The following PCDH7 variants were observed in gnomAD, a reference collection of about 807,000 sequenced individuals.
The protein encoded by PCDH7 is protocadherin 7.
In PCDH7, 17 loss-of-function variants were observed where a neutral mutation model predicts 58.9. That is an observed-to-expected ratio of 0.29 (90% CI 0.20 to 0.43). PCDH7 has a LOEUF of 0.43. PCDH7 is among the 20% of genes least tolerant of loss of function. The pLI, the probability that PCDH7 is intolerant of heterozygous loss-of-function variation, is 1.00. For synonymous variants in PCDH7, 664 were observed against 616.4 expected (o/e 1.08, Z -1.14); for missense variants, 1,274 against 1,441.0 (o/e 0.88, Z 1.88).
intron 1 of PCDH7, among the ~76,000 whole-genome samples, chr4:30,764,969 T>C (rs565042828): frequency 1.3e-5 from 2 of 152,084 alleles, no homozygotes; most frequent in East Asian, 3.9e-4. Context: ...TCTGCCCACC[T>C]TGGCCTCCCA....
At chr4:31,084,588 A>G (rs1057347894) in intron 3 of PCDH7, among the ~76,000 whole-genome samples, 1 of 146,970 alleles carries the variant, frequency 6.8e-6, no homozygotes, top group East Asian at 2.1e-4. Flanking sequence ...CAGGGGGCTT[A>G]TAGGGAACTA....
intron 2 of PCDH7, among the ~76,000 whole-genome samples, chr4:30,931,478 G>C (rs909125805): frequency 7.9e-5 from 12 of 152,064 alleles, no homozygotes; most frequent in African/African-American, 2.9e-4. Context: ...GGGAGGCTGA[G>C]ACAGGAGAAT....
intron 2 of PCDH7, among the ~76,000 whole-genome samples, chr4:30,937,782 T>G (rs1745533548): frequency 6.6e-6 from 1 of 152,060 alleles, no homozygotes; most frequent in African/African-American, 2.4e-5. Context: ...CCTATTCTAA[T>G]ATAAGGGTAT....
At chr4:31,013,293 T>C (rs929188255) in intron 3 of PCDH7, among the ~76,000 whole-genome samples, 1 of 139,444 alleles carries the variant, frequency 7.2e-6, no homozygotes, top group Non-Finnish European at 1.6e-5. Flanking sequence ...TGTGTACATA[T>C]ATCTAAGACT....
intron 1 of PCDH7, among the ~76,000 whole-genome samples, chr4:30,810,016 T>C (rs1373392343): frequency 6.6e-6 from 1 of 152,218 alleles, no homozygotes; most frequent in Non-Finnish European, 1.5e-5. Context: ...CAGGTAGTTT[T>C]AAAGTTTTCT....
chr4:30,825,287 A>G (rs1030831764), intron 1 of PCDH7, among the ~76,000 whole-genome samples: 3 of 152,144 alleles, frequency 2.0e-5, no homozygotes, highest in African/African-American at 7.2e-5. Context: ...TGTGATATGA[A>G]CCATAAGATT....
intron 1 of PCDH7, among the ~76,000 whole-genome samples, chr4:30,753,119 A>G (rs1718789303): frequency 6.6e-6 from 1 of 152,178 alleles, no homozygotes; most frequent in Admixed American, 6.5e-5. Flanking sequence ...AATACCATAA[A>G]TGTCAGCATC....
chr4:30,949,857 G>T (rs993268354), intron 2 of PCDH7, among the ~76,000 whole-genome samples: 4 of 151,564 alleles, frequency 2.6e-5, no homozygotes, highest in African/African-American at 9.7e-5. Flanking sequence ...AAAAAATGAG[G>T]ATAAAATGGT....
rs148669678 is a variant in PCDH7 at position 31,025,482 on chromosome 4, A to G, written c.*7+75267A>G. On this transcript the variant is annotated intron_variant, in intron 3 of 3. Transcript: ENST00000509759. ...CAGCTGAAATGTTTTGATCCCACTT[A>G]ACAAGGATTCAGTCTTGCGTTGTTC... Among the ~76,000 whole-genome samples, 485 of 152,278 alleles carry G rather than the reference A, an allele frequency of 3.2e-3. 1 individual carries two copies. The highest frequency in any genetic ancestry group is 9.1e-3 in the South Asian group (44 of 4,830).
chr4:30,751,927 G>T (rs1718574144), intron 1 of PCDH7, among the ~76,000 whole-genome samples: 1 of 152,074 alleles, frequency 6.6e-6, no homozygotes, highest in Non-Finnish European at 1.5e-5. Context: ...TTTTTAAAAT[G>T]GAATTTTCTC....
At chr4:30,749,948 A>G (rs866124724) in intron 1 of PCDH7, among the ~76,000 whole-genome samples, 2 of 152,262 alleles carry the variant, frequency 1.3e-5, no homozygotes, top group Middle Eastern at 3.4e-3. Context: ...AATAACATCT[A>G]TTTACACAGT....
intron 1 of PCDH7, among the ~76,000 whole-genome samples, chr4:30,760,810 C>T (rs1314061700): frequency 6.6e-6 from 1 of 152,138 alleles, no homozygotes; most frequent in Admixed American, 6.5e-5. Context: ...GACTTCTCTC[C>T]CCTCCTTTGA....
chr4:30,988,451 C>G (rs1751177832), intron 3 of PCDH7, among the ~76,000 whole-genome samples: 1 of 152,028 alleles, frequency 6.6e-6, no homozygotes, highest in African/African-American at 2.4e-5. Context: ...TATGAGAAGC[C>G]CAACATTTTC....
intron 3 of PCDH7, among the ~76,000 whole-genome samples, chr4:31,086,850 A>G (rs1712503651): frequency 6.6e-6 from 1 of 152,178 alleles, no homozygotes; most frequent in Non-Finnish European, 1.5e-5. Flanking sequence ...CTTGTAGACT[A>G]AGAGTTGATT....
intron 3 of PCDH7, among the ~76,000 whole-genome samples, chr4:30,993,739 A>T (rs1490902354): frequency 1.3e-5 from 2 of 148,234 alleles, no homozygotes; most frequent in South Asian, 4.2e-4. Context: ...TTCAATTTAG[A>T]TTTTTTTTTT....
At chr4:30,868,326 A>G (rs981151296) in intron 1 of PCDH7, among the ~76,000 whole-genome samples, 1 of 152,100 alleles carries the variant, frequency 6.6e-6, no homozygotes, top group African/African-American at 2.4e-5. Flanking sequence ...GCATCATACA[A>G]AATGGTACAG....
intron 1 of PCDH7, among the ~76,000 whole-genome samples, chr4:30,771,214 G>T (rs975058943): frequency 2.0e-5 from 3 of 152,004 alleles, no homozygotes; most frequent in Admixed American, 6.6e-5. Flanking sequence ...TCATAATTTT[G>T]CCCTAGCTAC....
intron 1 of PCDH7, among the ~76,000 whole-genome samples, chr4:30,914,079 G>A (rs187836889): frequency 2.7e-4 from 41 of 152,252 alleles, no homozygotes; most frequent in Non-Finnish European, 4.7e-4. Context: ...AGCAAGCATG[G>A]CAGATAGAGG....
rs769909258 is a variant in PCDH7 at position 31,075,606 on chromosome 4, G to A, written c.*8-66867G>A. ...AACAAAGGTGTGGATTATGACTTGGGACCCTCAAGACATGGGCCTAGCTTC... is the reference window on the plus strand; with the variant it reads ...AACAAAGGTGTGGATTATGACTTGGAACCCTCAAGACATGGGCCTAGCTTC... On this transcript the variant is annotated intron_variant, in intron 3 of 3. Coordinates refer to the PCDH7 transcript ENST00000509759. Among the ~76,000 whole-genome samples, 57 of 152,248 alleles carry A rather than the reference G, an allele frequency of 3.7e-4. 1 individual carries two copies. Among genetic ancestry groups the A allele is most frequent in the Non-Finnish European group, 6.2e-4 (42 of 68,024 alleles).
Sources: allele counts gnomAD v4.1 joint callset (sites outside exome capture counted in the v4.1 genomes callset), GRCh38; gene constraint gnomAD v4.1.1; transcripts MANE v1.5; gene names NCBI Gene and HGNC (gene_info 2026-07-23, HGNC 2026-07-21).